Variants in DCAF8L2 observed in about 807,000 individuals in gnomAD.
DCAF8L2 encodes the protein DDB1 and CUL4 associated factor 8 like 2.
For synonymous variants in DCAF8L2, 200 were observed against 190.9 expected (o/e 1.05, Z -0.39); for missense variants, 430 against 490.7 (o/e 0.88, Z 1.17).
chrX:27,681,687 A>G (rs1408173813), intron 3 of DCAF8L2, among the ~76,000 whole-genome samples: 3 of 111,813 alleles, frequency 2.7e-5, no homozygotes, highest in African/African-American at 6.5e-5. Flanking sequence ...TATCGATTCT[A>G]TGAACAATTT....
chrX:27,620,600 A>C (rs1927710649), intron 1 of DCAF8L2, among the ~76,000 whole-genome samples: 2 of 112,182 alleles, frequency 1.8e-5, no homozygotes, highest in Non-Finnish European at 3.8e-5. Context: ...GAAAATGCAA[A>C]TTAAAACTAC....
chrX:27,679,971 G>A (rs1371379192), intron 3 of DCAF8L2, among the ~76,000 whole-genome samples: 1 of 111,256 alleles, frequency 9.0e-6, no homozygotes, highest in African/African-American at 3.3e-5. Flanking sequence ...ATGTTAAGTG[G>A]GTAAGGAAAT....
intron 4 of DCAF8L2, among the ~76,000 whole-genome samples, chrX:27,741,507 TC>T (rs1921851071): frequency 9.6e-6 from 1 of 104,186 alleles, no homozygotes; most frequent in Non-Finnish European, 1.9e-5. Context: ...GAGAGCAGCA[TC>T]CAACCAGAAT....
At chrX:27,587,985 A>AAAAAAAAAAATATAT, upstream of DCAF8L2, among the ~76,000 whole-genome samples, 6 of 22,362 alleles carry the variant, frequency 2.7e-4, no homozygotes, top group African/African-American at 5.9e-4. Context: ...TAAAAAAAAA[A>AAAAAAAAAAATATAT]ATATATATAT....
chrX:27,650,108 G>A (rs1929095317), intron 2 of DCAF8L2, among the ~76,000 whole-genome samples: 1 of 111,184 alleles, frequency 9.0e-6, no homozygotes, highest in Admixed American at 9.6e-5. Context: ...TGGCTGTAGG[G>A]GTGCAGCTTT....
At chrX:27,527,007 A>T in the DCAF8L2 span, among the ~76,000 whole-genome samples, 1 of 112,278 alleles carries the variant, frequency 8.9e-6, no homozygotes, top group Non-Finnish European at 1.9e-5. Flanking sequence ...GTCTGTTCTC[A>T]GATCTCAAGC....
chrX:27,744,590 T>C (rs1379148500), intron 4 of DCAF8L2, among the ~76,000 whole-genome samples: 1 of 111,453 alleles, frequency 9.0e-6, no homozygotes, highest in Non-Finnish European at 1.9e-5. Flanking sequence ...TATATTTTAA[T>C]GAACTAAGTT....
At chrX:27,595,734 G>A (rs1210223218) in intron 1 of DCAF8L2, among the ~76,000 whole-genome samples, 2 of 112,209 alleles carry the variant, frequency 1.8e-5, no homozygotes, top group Non-Finnish European at 3.8e-5. Context: ...GAGGCCGAGT[G>A]CGGTGGCTCA....
intron 3 of DCAF8L2, among the ~76,000 whole-genome samples, chrX:27,690,994 A>T (rs1930692832): frequency 8.9e-6 from 1 of 111,801 alleles, no homozygotes; most frequent in Non-Finnish European, 1.9e-5. Context: ...AGCATTTTTT[A>T]AAATGAGGGA....
chrX:27,608,663 G>A (rs189128908), intron 1 of DCAF8L2, among the ~76,000 whole-genome samples: 35 of 110,111 alleles, frequency 3.2e-4, no homozygotes, highest in African/African-American at 1.1e-3. Context: ...TTTTTTCTGC[G>A]TCTCTATCTT....
intron 1 of DCAF8L2, among the ~76,000 whole-genome samples, chrX:27,626,394 G>T (rs1225381308): frequency 1.8e-5 from 2 of 112,123 alleles, no homozygotes; most frequent in African/African-American, 6.5e-5. Flanking sequence ...GAGCCCAAAA[G>T]AAGCAATTTG....
intron 1 of DCAF8L2, among the ~76,000 whole-genome samples, chrX:27,608,894 T>C (rs1289816419): frequency 9.0e-6 from 1 of 110,714 alleles, no homozygotes; most frequent in East Asian, 2.9e-4. Context: ...GTACATAGAA[T>C]GACATTGCGT....
At chrX:27,475,107 T>C in the DCAF8L2 span, among the ~76,000 whole-genome samples, 1 of 111,351 alleles carries the variant, frequency 9.0e-6, no homozygotes, top group East Asian at 2.8e-4. Flanking sequence ...ATAGGTCAAG[T>C]CACTTGATTT....
At chrX:27,565,480 C>T in the DCAF8L2 span, among the ~76,000 whole-genome samples, 2 of 111,698 alleles carry the variant, frequency 1.8e-5, no homozygotes, top group Non-Finnish European at 3.8e-5. Flanking sequence ...AGGATTTTTA[C>T]TCTTATGTTA....
intron 4 of DCAF8L2, among the ~76,000 whole-genome samples, chrX:27,719,079 G>A (rs1277958944): frequency 9.0e-6 from 1 of 111,556 alleles, no homozygotes; most frequent in Admixed American, 9.6e-5. Context: ...AAACATCTAG[G>A]AGTGGAACTT....
chrX:27,561,542 T>C, the DCAF8L2 span, among the ~76,000 whole-genome samples: 1 of 111,499 alleles, frequency 9.0e-6, no homozygotes, highest in African/African-American at 3.3e-5. Context: ...TCTAACTTTA[T>C]AGTATTTTTG....
chrX:27,536,758 C>G, the DCAF8L2 span, among the ~76,000 whole-genome samples: 1 of 111,791 alleles, frequency 8.9e-6, no homozygotes, highest in African/African-American at 3.3e-5. Context: ...CTCAAGCCCC[C>G]TGCACAAGGC....
At chrX:27,580,520 A>G in the DCAF8L2 span, among the ~76,000 whole-genome samples, 2 of 111,360 alleles carry the variant, frequency 1.8e-5, no homozygotes, top group Admixed American at 1.9e-4. Context: ...GAAAAAGACA[A>G]ACAAAAAAAG....
At chrX:27,579,087 A>G in the DCAF8L2 span, among the ~76,000 whole-genome samples, 3 of 112,007 alleles carry the variant, frequency 2.7e-5, no homozygotes, top group Non-Finnish European at 3.8e-5. Context: ...AAATCATTCT[A>G]TTATAAAGAT....
Sources: allele counts gnomAD v4.1 joint callset (sites outside exome capture counted in the v4.1 genomes callset), GRCh38; gene constraint gnomAD v4.1.1; transcripts MANE v1.5; gene names NCBI Gene and HGNC (gene_info 2026-07-23, HGNC 2026-07-21).